Variants in TMTC2 observed in about 807,000 individuals in gnomAD.
TMTC2 encodes the protein transmembrane O-mannosyltransferase targeting cadherins 2, also known as protein O-mannosyl-transferase TMTC2.
Under a neutral mutation model 82.4 loss-of-function variants are expected in TMTC2, and 43 were observed. The observed-to-expected ratio is 0.52, with a 90% confidence interval of 0.41 to 0.67. The LOEUF is 0.67. TMTC2 is among the 30% of genes least tolerant of loss of function. The pLI, the probability that TMTC2 is intolerant of heterozygous loss-of-function variation, is 0.00. For missense variants in TMTC2, 919 were observed against 1,012.4 expected, an observed-to-expected ratio of 0.91 and a Z score of 1.25; for synonymous variants, 408 against 381.9, an observed-to-expected ratio of 1.07 and a Z score of -0.80.
intron 11 of TMTC2, among the ~76,000 whole-genome samples, chr12:83,112,989 T>C (rs1228339915): frequency 2.0e-5 from 3 of 152,198 alleles, no homozygotes; most frequent in African/African-American, 7.2e-5. Context: ...GAATTAATCA[T>C]TGGGTTTGAA....
intron 1 of TMTC2, among the ~76,000 whole-genome samples, chr12:82,706,233 T>C (rs1873344640): frequency 6.8e-6 from 1 of 147,010 alleles, no homozygotes; most frequent in Non-Finnish European, 1.5e-5. Flanking sequence ...CGCTTGAACC[T>C]GGGAACCTGG....
At chr12:82,956,428 T>G (rs1006519831) in intron 4 of TMTC2, among the ~76,000 whole-genome samples, 6 of 152,124 alleles carry the variant, frequency 3.9e-5, no homozygotes, top group Non-Finnish European at 8.8e-5. Flanking sequence ...CAAGAGTCAC[T>G]ATTCTTCCAT....
chr12:82,764,491 C>G (rs1876835362), intron 1 of TMTC2, among the ~76,000 whole-genome samples: 1 of 152,070 alleles, frequency 6.6e-6, no homozygotes. Context: ...AGAGTGAAAA[C>G]ATGACTTTGC....
intron 3 of TMTC2, among the ~76,000 whole-genome samples, chr12:82,900,744 A>ATATATATATAGGAATATATATAGAGAGG (rs1391189144): frequency 3.2e-5 from 4 of 126,088 alleles, no homozygotes; most frequent in Non-Finnish European, 4.9e-5. Flanking sequence ...TATCTCTGGA[A>ATATATATATAGGAATATATATAGAGAGG]TATATATATA....
chr12:82,719,737 C>T (rs1298084493), intron 1 of TMTC2, among the ~76,000 whole-genome samples: 1 of 139,756 alleles, frequency 7.2e-6, no homozygotes, highest in East Asian at 2.2e-4. Flanking sequence ...CCCCAAGTAA[C>T]CTTGGATACA....
Position 82,895,914 on chromosome 12 carries a change from C to A in TMTC2, c.751C>A (p.Pro251Thr). ...GTTATACTGGATGGGAAACAAACCA[C>A]CAAGCTTTTCCAACTCGGACAACCC... ...ARLYWMGNKP[P>T]SFSNSDNPAA... Residue 251 changes from proline to threonine, a missense_variant, in exon 3 of 12, where the codon CCA becomes ACA. By Grantham distance (38) the Pro-to-Thr change is conservative. Transcript: ENST00000321196. 6.2e-7 allele frequency: 1 copy of A among 1,613,972 alleles called. No homozygotes were observed. Among genetic ancestry groups the A allele is most frequent in the Non-Finnish European group, 8.5e-7 (1 of 1,180,018 alleles).
intron 9 of TMTC2, among the ~76,000 whole-genome samples, chr12:83,032,278 T>C (rs1322189214): frequency 8.0e-6 from 1 of 125,450 alleles, no homozygotes; most frequent in African/African-American, 3.0e-5. Context: ...TATATATATA[T>C]ATATATATAT....
intron 3 of TMTC2, among the ~76,000 whole-genome samples, chr12:82,908,472 G>C (rs7314391): frequency 0.56 from 84,858 of 151,806 alleles, 24,530 homozygotes; most frequent in Middle Eastern, 0.7. Flanking sequence ...TAGTCTCTTT[G>C]ATGAATTATA....
intron 11 of TMTC2, among the ~76,000 whole-genome samples, chr12:83,093,746 T>C (rs755721266): frequency 1.2e-4 from 19 of 152,214 alleles, no homozygotes; most frequent in South Asian, 1.2e-3. Context: ...AACTGTCTTA[T>C]GTTTCAAAGA....
At chr12:83,070,602 A>G (rs1429573160) in intron 11 of TMTC2, among the ~76,000 whole-genome samples, 2 of 152,152 alleles carry the variant, frequency 1.3e-5, no homozygotes, top group African/African-American at 4.8e-5. Flanking sequence ...AGGAGTCCTT[A>G]GTGTTTTCAA....
At chr12:82,713,991 T>C (rs1873772500) in intron 1 of TMTC2, among the ~76,000 whole-genome samples, 1 of 152,254 alleles carries the variant, frequency 6.6e-6, no homozygotes, top group African/African-American at 2.4e-5. Flanking sequence ...CTGTCTCATT[T>C]ATTTCTTATA....
intron 1 of TMTC2, among the ~76,000 whole-genome samples, chr12:82,799,894 A>T (rs1413027462): frequency 1.3e-5 from 2 of 152,106 alleles, no homozygotes; most frequent in African/African-American, 4.8e-5. Context: ...TCACCATCAC[A>T]TGTGCCAGCA....
chr12:82,885,795 T>C (rs1208130), intron 2 of TMTC2, among the ~76,000 whole-genome samples: 15,355 of 152,208 alleles, frequency 0.1, 1,368 homozygotes, highest in African/African-American at 0.24. Flanking sequence ...CTGCCAGTGA[T>C]AGTGTTTTTC....
At chr12:82,963,990 TTAAA>T (rs1173667158) in intron 4 of TMTC2, among the ~76,000 whole-genome samples, 2 of 151,370 alleles carry the variant, frequency 1.3e-5, no homozygotes, top group Non-Finnish European at 2.9e-5. Flanking sequence ...AAGATGCTCA[TTAAA>T]TAATGTATTT....
chr12:83,021,803 G>A (rs1880942653), intron 8 of TMTC2: 1 of 151,976 alleles, frequency 6.6e-6, no homozygotes, highest in African/African-American at 2.4e-5. Flanking sequence ...AAAATCTAGG[G>A]TGTTTTCTAA....
rs112992620 is a variant in TMTC2, at chr12:83,100,059, C to T, written c.2332-32151C>T. ...CTCAGCCTCCCGAGTAGCTGGGATT[C>T]CCGGCGCCCGCCACCATGCTTGGCT... On this transcript the variant is annotated intron_variant, in intron 11 of 11. Coordinates refer to ENST00000321196, the MANE Select transcript of TMTC2 (RefSeq NM_152588.3). 8.8e-3 allele frequency among the ~76,000 whole-genome samples: 1,342 copies of T among 151,794 alleles called. 6 individuals are homozygous for T. Among genetic ancestry groups the T allele is most frequent in the Non-Finnish European group, 0.015 (1,008 of 67,912 alleles).
intron 11 of TMTC2, among the ~76,000 whole-genome samples, chr12:83,066,523 T>G (rs1882922128): frequency 6.6e-6 from 1 of 151,854 alleles, no homozygotes; most frequent in Non-Finnish European, 1.5e-5. Flanking sequence ...ATAATGAAAA[T>G]AGTAATTTAG....
intron 1 of TMTC2, among the ~76,000 whole-genome samples, chr12:82,743,345 G>A (rs1875515802): frequency 6.6e-6 from 1 of 151,730 alleles, no homozygotes; most frequent in Admixed American, 6.6e-5. Context: ...GTAGGCTGAG[G>A]CAGGAGAATT....
chr12:82,703,043 A>C (rs2136901244), intron 1 of TMTC2, among the ~76,000 whole-genome samples: 1 of 151,860 alleles, frequency 6.6e-6, no homozygotes, highest in African/African-American at 2.4e-5. Flanking sequence ...TAAAATAAAT[A>C]ATAATTAGCT....
Sources: allele counts gnomAD v4.1 joint callset (sites outside exome capture counted in the v4.1 genomes callset), GRCh38; gene constraint gnomAD v4.1.1; transcripts MANE v1.5; gene names NCBI Gene and HGNC (gene_info 2026-07-23, HGNC 2026-07-21).